The following ATRNL1 variants were observed in gnomAD, a reference collection of about 807,000 sequenced individuals.
ATRNL1 encodes attractin-like protein 1.
Under a neutral mutation model 182.7 loss-of-function variants are expected in ATRNL1, and 95 were observed. That is an observed-to-expected ratio of 0.52 (90% confidence interval 0.44 to 0.62). The LOEUF is 0.62. Ranked by LOEUF, ATRNL1 falls within the 20% of genes least tolerant of loss-of-function variation. The pLI, the probability that ATRNL1 is intolerant of heterozygous loss-of-function variation, is 0.00. For synonymous variants in ATRNL1, 576 were observed against 568.3 expected (o/e 1.01, Z -0.19); for missense variants, 1,471 against 1,679.5 (o/e 0.88, Z 2.17).
chr10:115,492,593 TTATA>T (rs1335009552), intron 24 of ATRNL1, among the ~76,000 whole-genome samples: 1 of 147,092 alleles, frequency 6.8e-6, no homozygotes, highest in Non-Finnish European at 1.5e-5. Context: ...ACTTTATATA[TTATA>T]TATATTATAA....
intron 15 of ATRNL1, 93 bp from the exon 16 acceptor site, chr10:115,299,941 A>T: frequency 2.3e-6 from 2 of 860,286 alleles, no homozygotes; most frequent in Non-Finnish European, 3.6e-6. Context: ...ATTTTCAAAT[A>T]TAATTTTTAA....
chr10:115,160,152 G>A lies in ATRNL1; in HGVS notation c.942G>A (p.Gly314=), dbSNP rs377660847. 56 of 1,612,472 alleles carry A rather than the reference G, an allele frequency of 3.5e-5. No homozygotes were observed. Among genetic ancestry groups the A allele is most frequent in the Non-Finnish European group, 4.7e-5 (55 of 1,179,158 alleles). The change falls in exon 6 of 29, where the codon GGG becomes GGA. Residue 314 remains glycine, a synonymous_variant. Transcript: ENST00000355044. The stretch of plus-strand genomic sequence containing the variant: ...CTTCACATAAAGCAGTTTTACACGG[G>A]AAATTTATGTGGGTGATTGGTGGAT... ...GRASHKAVLH[G]KFMWVIGGYT... is the part of the protein sequence containing the mutation.
rs868972943 is a variant in ATRNL1 at position 115,947,682 on chromosome 10, A to G, written c.*2903A>G. The G allele has an allele frequency of 6.6e-6, 1 of 152,482 alleles. No individual in the cohort carries two copies. The highest frequency in any genetic ancestry group is 1.5e-5 in the Non-Finnish European group (1 of 68,044). The allele number at this position is 152,482 out of a possible 1,614,324, so 9.4% of individuals were successfully genotyped here. A position where few individuals can be genotyped will look rare whatever the true frequency, so the allele number is the denominator to read the frequency against. ...TAAAAAGGTAATTGATCCTTGCTGT[A>G]CTTCCCAACATCTCATCTTCTTTTA... is the stretch of plus-strand genomic sequence containing the variant. On this transcript the variant is annotated 3_prime_UTR_variant, in exon 29 of 29. Coordinates refer to ENST00000355044, the MANE Select transcript of ATRNL1 (RefSeq NM_207303.4).
At chr10:115,471,863 C>A (rs1554972195) in intron 24 of ATRNL1, among the ~76,000 whole-genome samples, 1 of 150,728 alleles carries the variant, frequency 6.6e-6, no homozygotes, top group African/African-American at 2.4e-5. Context: ...TGCAGTCCCA[C>A]TTGTTTATTT....
chr10:115,258,772 G>T (rs1462289106), intron 10 of ATRNL1, among the ~76,000 whole-genome samples: 1 of 152,118 alleles, frequency 6.6e-6, no homozygotes, highest in Non-Finnish European at 1.5e-5. Flanking sequence ...TTTGGTCTTT[G>T]ATTTTGGTGA....
chr10:115,401,357 C>T (rs1844556267), intron 20 of ATRNL1, among the ~76,000 whole-genome samples: 1 of 152,016 alleles, frequency 6.6e-6, no homozygotes, highest in Non-Finnish European at 1.5e-5. Flanking sequence ...ATATTGGCTT[C>T]CTGACCTGTG....
intron 26 of ATRNL1, among the ~76,000 whole-genome samples, chr10:115,688,324 A>T (rs562424452): frequency 6.6e-6 from 1 of 152,292 alleles, no homozygotes; most frequent in Non-Finnish European, 1.5e-5. Flanking sequence ...CTTTGGATAG[A>T]TACCCAGTAG....
intron 26 of ATRNL1, among the ~76,000 whole-genome samples, chr10:115,557,356 G>C (rs1853373632): frequency 6.6e-6 from 1 of 152,132 alleles, no homozygotes; most frequent in African/African-American, 2.4e-5. Context: ...ATTACCCAGA[G>C]AGGAGGATTA....
intron 8 of ATRNL1, among the ~76,000 whole-genome samples, chr10:115,201,364 G>T (rs1165531733): frequency 6.6e-6 from 1 of 152,052 alleles, no homozygotes; most frequent in Admixed American, 6.6e-5. Context: ...ATGGTTTTAG[G>T]TCTAACATTT....
chr10:115,712,980 A>G (rs1409757806), intron 26 of ATRNL1, among the ~76,000 whole-genome samples: 1 of 152,106 alleles, frequency 6.6e-6, no homozygotes, highest in African/African-American at 2.4e-5. Context: ...TTTAGTTTCC[A>G]TTTATCCCAA....
rs537044545 is a variant in ATRNL1, at chr10:115,218,678, A to G, written c.1532+2798A>G. Among the ~76,000 whole-genome samples the G allele has an allele frequency of 5.6e-4, 86 of 152,352 alleles. 1 individual carries two copies. Among genetic ancestry groups the G allele is most frequent in the Admixed American group, 1.7e-3 (26 of 15,306 alleles). On this transcript the variant is annotated intron_variant, in intron 9 of 28. Coordinates refer to ENST00000355044, the MANE Select transcript of ATRNL1 (RefSeq NM_207303.4). ...ATTCGAGAGTTTACTTGTCGCCCCC[A>G]TAATTCCAGTTTGGCATTGAATGCA... is the stretch of plus-strand genomic sequence containing the variant.
chr10:115,905,963 A>G (rs1480906060), intron 28 of ATRNL1, among the ~76,000 whole-genome samples: 1 of 152,192 alleles, frequency 6.6e-6, no homozygotes, highest in East Asian at 1.9e-4. Flanking sequence ...GAACTGTTAA[A>G]ACTCTTTTAA....
In ATRNL1 at chr10:115,171,145, A is replaced by G. The variant is rs782242181; in HGVS notation, c.1201A>G (p.Thr401Ala). ...TCAGTCATGGAGTACAAAAACTCCT[A>G]CTGTTCTTGGACATGGTCAGCAGTA... Reference protein sequence around the residue: ...HSQSWSTKTPTVLGHGQQYAV... With the variant: ...HSQSWSTKTPAVLGHGQQYAV... The change falls in exon 8 of 29, where the codon ACT (threonine) becomes GCT (alanine). Residue 401 changes from threonine to alanine, a missense_variant. Around this residue, in one of 3 missense-constraint regions of ATRNL1, gnomAD observed 1,031 missense variants for 1,156.0 expected, o/e 0.89. Coordinates refer to ENST00000355044, the MANE Select transcript of ATRNL1 (RefSeq NM_207303.4). 4.3e-6 allele frequency: 7 copies of G among 1,611,400 alleles called. No individual in the cohort carries two copies. The highest frequency in any genetic ancestry group is 1.3e-5 in the African/African-American group (1 of 74,856).
At chr10:115,562,002 C>T (rs558758297) in intron 26 of ATRNL1, among the ~76,000 whole-genome samples, 1 of 152,020 alleles carries the variant, frequency 6.6e-6, no homozygotes, top group African/African-American at 2.4e-5. Flanking sequence ...TCCATATGAC[C>T]CAGCAATTCC....
At chr10:115,699,042 G>T (rs1477112978) in intron 26 of ATRNL1, among the ~76,000 whole-genome samples, 2 of 151,974 alleles carry the variant, frequency 1.3e-5, no homozygotes, top group Non-Finnish European at 2.9e-5. Flanking sequence ...TTTAACAGAT[G>T]CTCAAGATTG....
chr10:115,488,874 A>G (rs923507398), intron 24 of ATRNL1, among the ~76,000 whole-genome samples: 1 of 152,040 alleles, frequency 6.6e-6, no homozygotes, highest in Non-Finnish European at 1.5e-5. Flanking sequence ...TGCTATAAAT[A>G]TCCCTCTACA....
chr10:115,305,121 CCTT>C (rs1451407446), intron 17 of ATRNL1, among the ~76,000 whole-genome samples: 6 of 151,620 alleles, frequency 4.0e-5, no homozygotes, highest in African/African-American at 7.3e-5. Context: ...TGATACTAGT[CCTT>C]CTTGCTCAGA....
chr10:115,638,393 T>C (rs151190071), intron 26 of ATRNL1, among the ~76,000 whole-genome samples: 294 of 151,046 alleles, frequency 1.9e-3, no homozygotes, highest in African/African-American at 6.8e-3. Context: ...TCATTGAGTA[T>C]CACATGGCTA....
chr10:115,236,361 T>C (rs1288566437), intron 9 of ATRNL1, among the ~76,000 whole-genome samples: 4 of 152,224 alleles, frequency 2.6e-5, no homozygotes, highest in African/African-American at 9.6e-5. Flanking sequence ...AATGATGCCA[T>C]ACAGCATTAC....
Sources: allele counts gnomAD v4.1 joint callset (sites outside exome capture counted in the v4.1 genomes callset), GRCh38; gene constraint gnomAD v4.1.1; regional missense constraint gnomAD v4.1.1; transcripts MANE v1.5; gene names NCBI Gene and HGNC (gene_info 2026-07-23, HGNC 2026-07-21).